The following HTATIP2 variants were observed in gnomAD, a reference collection of about 807,000 sequenced individuals.
The protein encoded by HTATIP2 is protein HTATIP2.
A neutral mutation model predicts 24.7 loss-of-function variants in HTATIP2; 26 were observed. The observed-to-expected ratio is 1.05, with a 90% CI of 0.77 to 1.46. The LOEUF (loss-of-function observed/expected upper bound fraction) is 1.46. Among genes scored for constraint, HTATIP2 ranks in the 40% most tolerant of loss-of-function variants. HTATIP2 has a pLI of 0.00. For synonymous variants in HTATIP2, 99 were observed against 113.2 expected, an observed-to-expected ratio of 0.87 and a Z score of 0.79; for missense variants, 284 against 289.6, an observed-to-expected ratio of 0.98 and a Z score of 0.14.
chr11:20,371,732 G>A (rs547342605), intron 2 of HTATIP2, among the ~76,000 whole-genome samples: 10 of 151,992 alleles, frequency 6.6e-5, no homozygotes, highest in Non-Finnish European at 1.2e-4. Context: ...CATCGCACCC[G>A]GCCTGAAAAA....
intron 1 of HTATIP2, 36 bp downstream of exon 1, chr11:20,364,468 G>T (rs2064674013): frequency 1.3e-6 from 2 of 1,539,198 alleles, no homozygotes; most frequent in African/African-American, 2.7e-5. Context: ...TGGACCCCCA[G>T]GATTCTGCGA....
At chr11:20,380,455 G>A (rs543123912) in intron 3 of HTATIP2, among the ~76,000 whole-genome samples, 1 of 152,078 alleles carries the variant, frequency 6.6e-6, no homozygotes, top group Non-Finnish European at 1.5e-5. Context: ...GGCGGATCAC[G>A]AGGTCAGGAG....
intron 1 of HTATIP2, among the ~76,000 whole-genome samples, chr11:20,364,778 C>G (rs117416986): frequency 6.6e-6 from 1 of 152,128 alleles, no homozygotes; most frequent in South Asian, 2.1e-4. Flanking sequence ...CCCTGGTGAC[C>G]TTGAGAATTT....
chr11:20,371,477 C>T (rs555776991), intron 2 of HTATIP2, among the ~76,000 whole-genome samples: 4 of 152,210 alleles, frequency 2.6e-5, no homozygotes, highest in East Asian at 1.9e-4. Context: ...TGTGTGATTT[C>T]GGCTCACTGC....
intron 3 of HTATIP2, among the ~76,000 whole-genome samples, chr11:20,378,776 G>A (rs185346691): frequency 1.5e-4 from 23 of 152,286 alleles, no homozygotes; most frequent in East Asian, 5.8e-4. Context: ...GGTGGCTCAC[G>A]CCTGTAATTC....
In HTATIP2 at chr11:20,376,712, G is replaced by A; in HGVS notation, c.436G>A (p.Val146Ile). The A allele has an allele frequency of 6.2e-7, 1 of 1,605,278 alleles. No homozygotes were observed. Among genetic ancestry groups the A allele is most frequent in the Non-Finnish European group, 8.5e-7 (1 of 1,177,438 alleles). Residue 146 changes from valine to isoleucine, a missense_variant, in exon 3 of 5, where the codon GTT becomes ATT. Transcript: ENST00000451739. ...DKSSNFLYLQ[V>I]KGEVEAKVEE... ...ATCAAGCAATTTTTTATATCTACAA[G>A]TTAAGGTTTGTGCAAGTTTCTGTTT... is the stretch of plus-strand genomic sequence containing the variant.
chr11:20,364,894 T>A (rs1286173900), intron 1 of HTATIP2, among the ~76,000 whole-genome samples: 1 of 152,056 alleles, frequency 6.6e-6, no homozygotes, highest in African/African-American at 2.4e-5. Flanking sequence ...CAGTGAAAGG[T>A]GGGATTATTC....
chr11:20,380,410 C>T (rs532328091), intron 3 of HTATIP2, among the ~76,000 whole-genome samples: 19 of 152,278 alleles, frequency 1.2e-4, no homozygotes, highest in African/African-American at 1.2e-4. Flanking sequence ...CGGTGGCTCA[C>T]GCCTGTAATC....
At chr11:20,368,806 A>C (rs1176645921) in intron 2 of HTATIP2, among the ~76,000 whole-genome samples, 2 of 152,242 alleles carry the variant, frequency 1.3e-5, no homozygotes, top group Non-Finnish European at 2.9e-5. Context: ...TTTTAATCAG[A>C]GGAATTGTGT....
chr11:20,380,940 G>A (rs745700756), intron 3 of HTATIP2, among the ~76,000 whole-genome samples: 2 of 152,162 alleles, frequency 1.3e-5, no homozygotes, highest in Non-Finnish European at 2.9e-5. Flanking sequence ...CGAATTATAT[G>A]ATTTCATTTA....
chr11:20,376,446 C>T (rs1848447983), intron 2 of HTATIP2, 134 bp from the exon 3 acceptor site: 2 of 984,406 alleles, frequency 2.0e-6, no homozygotes, highest in Admixed American at 2.0e-5. Flanking sequence ...GCCTGACTTT[C>T]ATGTATTGCT....
At chr11:20,367,404 A>T in intron 2 of HTATIP2, 123 bp downstream of exon 2, 1 of 1,568,524 alleles carries the variant, frequency 6.4e-7, no homozygotes, top group South Asian at 1.2e-5. Context: ...TTTATTGTTT[A>T]AGATTCTATA....
intron 2 of HTATIP2, among the ~76,000 whole-genome samples, chr11:20,371,853 T>C (rs2133269748): frequency 6.6e-6 from 1 of 152,274 alleles, no homozygotes; most frequent in Non-Finnish European, 1.5e-5. Flanking sequence ...TATTTATCTA[T>C]CCAGAACTTC....
chr11:20,363,887 G>T lies in HTATIP2; in HGVS notation c.-351G>T. 1 of 1,243,820 alleles carries T rather than the reference G, an allele frequency of 8.0e-7. No homozygotes were observed. Among genetic ancestry groups the T allele is most frequent in the South Asian group, 4.0e-5 (1 of 25,232 alleles). The allele number at this position is 1,243,820 out of a possible 1,614,324, so 77.0% of individuals were successfully genotyped here. ...CGCCCTGCTCCTGCTGCGTCGTGAGGACCCGGGGCCGGGGGCTGGCCCCAG... is the reference window on the plus strand; with the variant it reads ...CGCCCTGCTCCTGCTGCGTCGTGAGTACCCGGGGCCGGGGGCTGGCCCCAG... On this transcript the variant is annotated 5_prime_UTR_variant, in exon 1 of 5. Coordinates refer to ENST00000451739, the MANE Select transcript of HTATIP2 (RefSeq NM_001098522.2).
At chr11:20,382,305 T>G (rs1022812903) in intron 4 of HTATIP2, 66 bp downstream of exon 4, 4 of 932,434 alleles carry the variant, frequency 4.3e-6, no homozygotes, top group Non-Finnish European at 5.1e-6. Context: ...TACTAATTTT[T>G]CATTTGGAAA....
chr11:20,373,380 G>A (rs1016011899), intron 2 of HTATIP2, among the ~76,000 whole-genome samples: 2 of 152,122 alleles, frequency 1.3e-5, no homozygotes, highest in Non-Finnish European at 1.5e-5. Flanking sequence ...AATTGGAGAC[G>A]ACAGCACTCT....
intron 2 of HTATIP2, among the ~76,000 whole-genome samples, chr11:20,374,868 C>T (rs554695286): frequency 6.6e-6 from 1 of 152,236 alleles, no homozygotes; most frequent in African/African-American, 2.4e-5. Context: ...TAGCATGATT[C>T]ATCTTGCTTC....
rs182432429 is a variant in HTATIP2, at chr11:20,381,330, C to T, written c.442-848C>T. Among the ~76,000 whole-genome samples the T allele has an allele frequency of 3.3e-3, 499 of 152,054 alleles. 2 individuals are homozygous for T. Among genetic ancestry groups the T allele is most frequent in the African/African-American group, 0.011 (437 of 41,484 alleles). The stretch of plus-strand genomic sequence containing the variant: ...TGGCGGATGCCTGTAATCCCAGCTA[C>T]TTGGGAGGCCGAGGCAGGAGAATTG... On this transcript the variant is annotated intron_variant, in intron 3 of 4. Transcript: ENST00000451739.
chr11:20,368,284 T>C (rs963386204), intron 2 of HTATIP2, among the ~76,000 whole-genome samples: 4 of 152,176 alleles, frequency 2.6e-5, no homozygotes. Context: ...TAAGGGAGCA[T>C]ATAGTGAAGA....
Sources: allele counts gnomAD v4.1 joint callset (sites outside exome capture counted in the v4.1 genomes callset), GRCh38; gene constraint gnomAD v4.1.1; transcripts MANE v1.5; gene names NCBI Gene and HGNC (gene_info 2026-07-23, HGNC 2026-07-21).